The following NUDT9 variants were observed in gnomAD, a reference collection of about 807,000 sequenced individuals.
The protein encoded by NUDT9 is ADP-ribose pyrophosphatase.
A neutral mutation model predicts 41.0 loss-of-function variants in NUDT9; 31 were observed. The observed-to-expected ratio is 0.76, with a 90% CI of 0.57 to 1.02. The LOEUF (loss-of-function observed/expected upper bound fraction) is 1.02, where lower values mean the gene tolerates loss of function less well. Among genes scored for constraint, NUDT9 ranks in the 50% least tolerant of loss-of-function variants. The pLI is 0.00. For missense variants in NUDT9, 380 were observed against 431.4 expected (o/e 0.88, Z 1.06); for synonymous variants, 146 against 147.6 (o/e 0.99, Z 0.08).
At chr4:87,449,605 A>G (rs530998710) in intron 5 of NUDT9, among the ~76,000 whole-genome samples, 35 of 152,318 alleles carry the variant, frequency 2.3e-4, no homozygotes, top group African/African-American at 8.4e-4. Flanking sequence ...TAGAGATCAC[A>G]TTTAATAGGC....
At chr4:87,428,803 T>G (rs1376995491) in intron 1 of NUDT9, among the ~76,000 whole-genome samples, 1 of 152,118 alleles carries the variant, frequency 6.6e-6, no homozygotes, top group Non-Finnish European at 1.5e-5. Flanking sequence ...CCTGTATACC[T>G]CCTACCTCCA....
intron 1 of NUDT9, among the ~76,000 whole-genome samples, chr4:87,423,849 G>A (rs773148153): frequency 1.1e-4 from 16 of 152,322 alleles, no homozygotes; most frequent in African/African-American, 3.6e-4. Flanking sequence ...AGATAGGAAG[G>A]TTTCAGTTGA....
chr4:87,449,890 T>C (rs1255220241), intron 5 of NUDT9, among the ~76,000 whole-genome samples: 2 of 152,040 alleles, frequency 1.3e-5, no homozygotes, highest in African/African-American at 4.8e-5. Context: ...TGAGACAGAG[T>C]CTCACTCTGT....
In NUDT9 at chr4:87,434,986, C is replaced by T. The variant is rs752541554; in HGVS notation, c.113C>T (p.Ser38Leu). Residue 38 changes from serine (S) to leucine (L), a missense_variant, in exon 2 of 8, where the codon TCG becomes TTG. Physicochemically the swap from Ser to Leu is moderately radical, Grantham distance 145. Transcript: ENST00000302174. ...TTTTTCTTTTTCTCCCCCAGAAACT[C>T]GTTTTCATCTTCTTGGTTTCATCTT... ...RCRGIQAFRNSFSSSWFHLNT... is the reference protein window; with the variant it reads ...RCRGIQAFRNLFSSSWFHLNT... 8.7e-6 allele frequency: 14 copies of T among 1,604,106 alleles called. No individual in the cohort carries two copies. Among genetic ancestry groups the T allele is most frequent in the South Asian group, 5.7e-5 (5 of 88,442 alleles).
chr4:87,446,087 C>T (rs114460567), intron 4 of NUDT9, among the ~76,000 whole-genome samples: 10,503 of 151,990 alleles, frequency 0.069, 513 homozygotes, highest in Non-Finnish European at 0.11. Flanking sequence ...GCATCTCTCT[C>T]TATTCTGTTT....
At chr4:87,455,757 G>T (rs531185593) in intron 7 of NUDT9, among the ~76,000 whole-genome samples, 71 of 151,276 alleles carry the variant, frequency 4.7e-4, no homozygotes, top group African/African-American at 1.6e-3. Flanking sequence ...TGCCTCTCGG[G>T]TTCAGGCGAT....
At chr4:87,424,218 G>A (rs1271688286) in intron 1 of NUDT9, among the ~76,000 whole-genome samples, 1 of 150,326 alleles carries the variant, frequency 6.7e-6, no homozygotes. Context: ...CCTCTAGCTC[G>A]GCTCAGCTTG....
intron 7 of NUDT9, among the ~76,000 whole-genome samples, chr4:87,456,009 A>G (rs1159468974): frequency 2.6e-5 from 4 of 152,098 alleles, no homozygotes; most frequent in Non-Finnish European, 5.9e-5. Flanking sequence ...TAAGGGAACT[A>G]AGGCAAATAG....
At chr4:87,445,609 A>G (rs970972066) in intron 4 of NUDT9, 2 of 152,146 alleles carry the variant, frequency 1.3e-5, no homozygotes, top group Non-Finnish European at 1.5e-5. Context: ...ATTGATGACA[A>G]TTTCATTTTC....
intron 1 of NUDT9, 119 bp from the exon 2 acceptor site, chr4:87,434,862 A>G (rs1307014028): frequency 1.0e-5 from 8 of 802,272 alleles, no homozygotes; most frequent in African/African-American, 5.2e-5. Flanking sequence ...CAGGTGATCC[A>G]CCTACCTCGG....
At position 87,457,944 on chromosome 4, in the gene NUDT9, C is replaced by A; in HGVS notation, c.976C>A (p.Gln326Lys). ...DKLKLYASHS[Q>K]FIKLVAEKRD... ...ACTGAAGCTTTATGCCAGTCACTCT[C>A]AATTCATCAAACTTGTGGCTGAGAA... is the stretch of plus-strand genomic sequence containing the variant. The change falls in exon 8 of 8, where the codon CAA becomes AAA. Residue 326 changes from glutamine to lysine, a missense_variant. Coordinates refer to ENST00000302174, the MANE Select transcript of NUDT9 (RefSeq NM_024047.5). 1 of 1,597,204 alleles carries A rather than the reference C, an allele frequency of 6.3e-7. No homozygotes were observed. Among genetic ancestry groups the A allele is most frequent in the Non-Finnish European group, 8.5e-7 (1 of 1,174,744 alleles).
chr4:87,430,705 A>G (rs1467470216), intron 1 of NUDT9, among the ~76,000 whole-genome samples: 1 of 152,122 alleles, frequency 6.6e-6, no homozygotes, highest in Non-Finnish European at 1.5e-5. Context: ...GCATCTTTCC[A>G]TGTGCTTATT....
intron 2 of NUDT9, 65 bp from the exon 3 acceptor site, chr4:87,438,212 C>A: frequency 1.3e-6 from 1 of 784,354 alleles, no homozygotes; most frequent in Non-Finnish European, 2.1e-6. Context: ...GATTGACTTT[C>A]ATTATTAAGC....
chr4:87,443,012 CTT>C (rs1333753831), intron 4 of NUDT9, among the ~76,000 whole-genome samples: 1 of 152,134 alleles, frequency 6.6e-6, no homozygotes, highest in Non-Finnish European at 1.5e-5. Context: ...AACATAGTCA[CTT>C]ATTATCAAGT....
chr4:87,450,307 A>T (rs1014227188), intron 5 of NUDT9, among the ~76,000 whole-genome samples: 3 of 152,122 alleles, frequency 2.0e-5, no homozygotes. Context: ...TTCTGTGTAG[A>T]ATAAAAATGA....
intron 1 of NUDT9, among the ~76,000 whole-genome samples, chr4:87,434,693 C>T (rs1356467036): frequency 6.6e-6 from 1 of 150,936 alleles, no homozygotes; most frequent in African/African-American, 2.4e-5. Context: ...AGTGCAATGG[C>T]GCGATGTCTC....
chr4:87,452,488 C>T (rs557788325), intron 6 of NUDT9, among the ~76,000 whole-genome samples: 1 of 152,122 alleles, frequency 6.6e-6, no homozygotes, highest in Admixed American at 6.6e-5. Context: ...GGGTCTTGCT[C>T]TGTTGTTCAG....
At chr4:87,431,569 CTT>C (rs1379539095) in intron 1 of NUDT9, among the ~76,000 whole-genome samples, 1 of 152,076 alleles carries the variant, frequency 6.6e-6, no homozygotes, top group Non-Finnish European at 1.5e-5. Flanking sequence ...TTATTGGTGT[CTT>C]TAATTTCTTT....
intron 4 of NUDT9, among the ~76,000 whole-genome samples, chr4:87,446,393 G>A (rs747923735): frequency 7.3e-5 from 11 of 151,542 alleles, no homozygotes; most frequent in South Asian, 2.1e-4. Flanking sequence ...ACACCACCCC[G>A]CCCAGCTAAT....
Sources: allele counts gnomAD v4.1 joint callset (sites outside exome capture counted in the v4.1 genomes callset), GRCh38; gene constraint gnomAD v4.1.1; transcripts MANE v1.5; gene names NCBI Gene and HGNC (gene_info 2026-07-23, HGNC 2026-07-21).